Variants in NCOA2 observed in about 807,000 individuals in gnomAD.
The protein encoded by NCOA2 is class E basic helix-loop-helix protein 75.
NCOA2 carries 21 observed loss-of-function variants against 145.1 expected under a neutral mutation model. The ratio of observed to expected loss-of-function variants is 0.14; its 90% CI spans 0.10 to 0.21. NCOA2 has a LOEUF of 0.21. Ranked by LOEUF, NCOA2 falls within the 10% of genes least tolerant of loss-of-function variation. The probability of loss-of-function intolerance (pLI) is 1.00; values close to 1 mark genes in which losing one functional copy is unlikely to be tolerated. For missense variants in NCOA2, 1,472 were observed against 1,837.6 expected (o/e 0.80, Z 3.64); for synonymous variants, 619 against 637.5 (o/e 0.97, Z 0.44).
At chr8:70,341,082 G>GAGAAAA in intron 1 of NCOA2, among the ~76,000 whole-genome samples, 1 of 105,062 alleles carries the variant, frequency 9.5e-6, no homozygotes, top group African/African-American at 3.2e-5. Flanking sequence ...TTAAAAAGTT[G>GAGAAAA]AAAAAAAAAA....
intron 9 of NCOA2, among the ~76,000 whole-genome samples, chr8:70,159,946 G>A (rs2132330323): frequency 6.6e-6 from 1 of 152,278 alleles, no homozygotes; most frequent in South Asian, 2.1e-4. Flanking sequence ...GCAAAACAGT[G>A]TAAACCATTT....
At chr8:70,141,143 A>G (rs764602484) in intron 14 of NCOA2, 41 bp downstream of exon 14, 3 of 1,561,560 alleles carry the variant, frequency 1.9e-6, no homozygotes, top group South Asian at 1.1e-5. Flanking sequence ...TTTCTAAGAG[A>G]GCATAAAAGT....
At chr8:70,354,389 G>A (rs1285784364) in intron 1 of NCOA2, among the ~76,000 whole-genome samples, 1 of 152,164 alleles carries the variant, frequency 6.6e-6, no homozygotes, top group Non-Finnish European at 1.5e-5. Flanking sequence ...TCAATGAAAA[G>A]TCTGCACCTT....
At chr8:70,343,588 G>A (rs538186100) in intron 1 of NCOA2, among the ~76,000 whole-genome samples, 89 of 152,132 alleles carry the variant, frequency 5.9e-4, no homozygotes, top group Admixed American at 1.2e-3. Flanking sequence ...GAGGCGGGCA[G>A]ATCACTTGAG....
intron 1 of NCOA2, among the ~76,000 whole-genome samples, chr8:70,397,773 G>A (rs188682970): frequency 5.9e-5 from 9 of 152,186 alleles, no homozygotes; most frequent in East Asian, 5.8e-4. Flanking sequence ...AAATCTATTC[G>A]GTTGTAAGCT....
chr8:70,385,724 G>C (rs1397112020), intron 1 of NCOA2, among the ~76,000 whole-genome samples: 1 of 152,132 alleles, frequency 6.6e-6, no homozygotes, highest in Non-Finnish European at 1.5e-5. Context: ...ACTGCACCCA[G>C]CCAAGACCTC....
In NCOA2 at chr8:70,174,638, G is replaced by T. The variant is rs1814626806; in HGVS notation, c.363+118C>A. On this transcript the variant is annotated intron_variant, in intron 5 of 22. Coordinates refer to ENST00000452400, the MANE Select transcript of NCOA2 (RefSeq NM_006540.4). ...ACAGGCATATCAGCAAGCTCAAGAG[G>T]TCCATAGTACTAGTACTAGTGTGGA... 7 of 919,610 alleles carry T rather than the reference G, an allele frequency of 7.6e-6. No homozygotes were observed. The South Asian group carries it at 1.0e-4, about 13-fold the overall frequency. 57.0% of individuals were successfully genotyped at this position (919,610 alleles called of 1,614,324 possible).
chr8:70,178,249 A>T (rs555489648), intron 4 of NCOA2, among the ~76,000 whole-genome samples: 18 of 152,336 alleles, frequency 1.2e-4, no homozygotes, highest in Non-Finnish European at 2.4e-4. Flanking sequence ...TATTTTTAGG[A>T]ATTTATCAGA....
chr8:70,211,423 C>A (rs1221574913), intron 4 of NCOA2, among the ~76,000 whole-genome samples: 1 of 150,746 alleles, frequency 6.6e-6, no homozygotes. Flanking sequence ...CGCGCCACTG[C>A]ACTCCAGCCT....
chr8:70,292,943 T>C (rs1826806171), intron 2 of NCOA2, among the ~76,000 whole-genome samples: 2 of 152,210 alleles, frequency 1.3e-5, no homozygotes, highest in Admixed American at 6.5e-5. Context: ...CTGAGTTCAG[T>C]AGTCCGTTCT....
intron 16 of NCOA2, among the ~76,000 whole-genome samples, chr8:70,129,408 G>A (rs1464754515): frequency 6.6e-6 from 1 of 152,172 alleles, no homozygotes; most frequent in Non-Finnish European, 1.5e-5. Context: ...GGGATCAGCA[G>A]TGTGGGGTAC....
chr8:70,309,898 G>A (rs1178865823), intron 1 of NCOA2, among the ~76,000 whole-genome samples: 1 of 152,094 alleles, frequency 6.6e-6, no homozygotes, highest in Non-Finnish European at 1.5e-5. Flanking sequence ...AGGATGCAGT[G>A]AGCAGTGATC....
chr8:70,131,252 G>C (rs761324077), intron 16 of NCOA2, among the ~76,000 whole-genome samples: 53 of 152,072 alleles, frequency 3.5e-4, no homozygotes, highest in Middle Eastern at 3.4e-3. Flanking sequence ...GCTTTTCACA[G>C]GCACAGTCAG....
chr8:70,355,422 A>T (rs1809595142), intron 1 of NCOA2, among the ~76,000 whole-genome samples: 1 of 152,188 alleles, frequency 6.6e-6, no homozygotes, highest in Admixed American at 6.5e-5. Flanking sequence ...GGCACTGAAG[A>T]TACAGTGTGA....
At chr8:70,191,575 T>C (rs1816683343) in intron 4 of NCOA2, among the ~76,000 whole-genome samples, 1 of 152,174 alleles carries the variant, frequency 6.6e-6, no homozygotes, top group African/African-American at 2.4e-5. Flanking sequence ...AGACTCATCA[T>C]TTACCTATAC....
intron 1 of NCOA2, among the ~76,000 whole-genome samples, chr8:70,347,525 A>G (rs1472363183): frequency 1.3e-5 from 2 of 151,968 alleles, no homozygotes; most frequent in South Asian, 2.1e-4. Flanking sequence ...GCATGGTGAC[A>G]TATGTCTGCG....
At chr8:70,443,029 G>A in the NCOA2 span, among the ~76,000 whole-genome samples, 2 of 152,106 alleles carry the variant, frequency 1.3e-5, no homozygotes, top group African/African-American at 4.8e-5. Flanking sequence ...CATAGTAAAT[G>A]TAAAACTTTT....
At chr8:70,131,805 T>C in intron 16 of NCOA2, 32 bp downstream of exon 16, 1 of 1,564,316 alleles carries the variant, frequency 6.4e-7, no homozygotes, top group Non-Finnish European at 8.7e-7. Flanking sequence ...ATGAGAGCGC[T>C]TGGCCCCCAC....
chr8:70,352,064 G>C (rs970735875), intron 1 of NCOA2, among the ~76,000 whole-genome samples: 1 of 151,782 alleles, frequency 6.6e-6, no homozygotes, highest in African/African-American at 2.4e-5. Flanking sequence ...CCATGCATGT[G>C]ATTTAATTAC....
Sources: gnomAD v4.1 joint callset for allele counts (sites outside exome capture counted in the v4.1 genomes callset) on GRCh38, gnomAD v4.1.1 for gene constraint, MANE v1.5 for transcripts, NCBI Gene and HGNC (gene_info 2026-07-23, HGNC 2026-07-21) for gene names.